Variants in ITGA1 observed in about 807,000 individuals in gnomAD.
ITGA1 encodes the protein integrin alpha-1.
Under a neutral mutation model 145.9 loss-of-function variants are expected in ITGA1, and 85 were observed. That is an observed-to-expected ratio of 0.58 (90% confidence interval 0.49 to 0.70). The LOEUF (loss-of-function observed/expected upper bound fraction) is 0.70. ITGA1 is among the 30% of genes least tolerant of loss of function. The pLI is 0.00. For synonymous variants in ITGA1, 520 were observed against 495.3 expected, an observed-to-expected ratio of 1.05 and a Z score of -0.66; for missense variants, 1,351 against 1,418.7, an observed-to-expected ratio of 0.95 and a Z score of 0.77.
chr5:52,939,271 A>T (rs1751017293), intron 24 of ITGA1, among the ~76,000 whole-genome samples: 1 of 94,510 alleles, frequency 1.1e-5, no homozygotes, highest in South Asian at 3.6e-4. Context: ...TTATAAGCTT[A>T]TCTTTGATTA....
At chr5:52,823,537 A>T (rs189871243) in intron 1 of ITGA1, among the ~76,000 whole-genome samples, 5 of 152,192 alleles carry the variant, frequency 3.3e-5, no homozygotes, top group African/African-American at 1.2e-4. Flanking sequence ...ATTATGTCCA[A>T]TAAGTCCATC....
At chr5:52,939,493 TG>T in intron 24 of ITGA1, 96 bp from the exon 25 acceptor site, 1 of 767,030 alleles carries the variant, frequency 1.3e-6, no homozygotes, top group Non-Finnish European at 2.2e-6. Flanking sequence ...TATATGGCAA[TG>T]GCTGTCATTC....
intron 17 of ITGA1, among the ~76,000 whole-genome samples, chr5:52,922,452 C>A (rs1255000273): frequency 6.6e-6 from 1 of 152,122 alleles, no homozygotes; most frequent in Non-Finnish European, 1.5e-5. Context: ...GGCTTGAGGT[C>A]TCAAGAAAAA....
intron 8 of ITGA1, among the ~76,000 whole-genome samples, chr5:52,892,290 G>A (rs1431886326): frequency 1.3e-5 from 2 of 151,896 alleles, no homozygotes; most frequent in Non-Finnish European, 1.5e-5. Flanking sequence ...ACCACTATAC[G>A]CTAACACAAT....
At chr5:52,839,936 A>G (rs1315068028) in intron 1 of ITGA1, among the ~76,000 whole-genome samples, 3 of 152,198 alleles carry the variant, frequency 2.0e-5, no homozygotes, top group Non-Finnish European at 4.4e-5. Context: ...AAAAGCTCAC[A>G]TCCAAGTCAT....
At chr5:52,847,029 G>T (rs909635208) in intron 1 of ITGA1, among the ~76,000 whole-genome samples, 1 of 151,900 alleles carries the variant, frequency 6.6e-6, no homozygotes, top group Non-Finnish European at 1.5e-5. Flanking sequence ...TTTGATAAAG[G>T]ATTAAAAAAA....
At chr5:52,894,646 A>C (rs1166110499) in intron 9 of ITGA1, among the ~76,000 whole-genome samples, 1 of 152,200 alleles carries the variant, frequency 6.6e-6, no homozygotes, top group Non-Finnish European at 1.5e-5. Flanking sequence ...AGAAACCACC[A>C]GAGAATTCTT....
chr5:52,878,000 A>G (rs1344590119), intron 6 of ITGA1, among the ~76,000 whole-genome samples: 1 of 152,214 alleles, frequency 6.6e-6, no homozygotes, highest in Non-Finnish European at 1.5e-5. Context: ...CAAGGTATCA[A>G]CAGAGGACAA....
intron 27 of ITGA1, among the ~76,000 whole-genome samples, chr5:52,946,678 T>G (rs1290328453): frequency 6.8e-6 from 1 of 147,786 alleles, no homozygotes; most frequent in African/African-American, 2.5e-5. Flanking sequence ...CATTGAGGTT[T>G]GAGTGCCACC....
intron 1 of ITGA1, among the ~76,000 whole-genome samples, chr5:52,804,863 ATT>A (rs1197116970): frequency 6.6e-6 from 1 of 152,172 alleles, no homozygotes; most frequent in African/African-American, 2.4e-5. Context: ...TTCTAAAGTG[ATT>A]TTAAGGGCTT....
Position 52,945,020 on chromosome 5 carries a change from C to A in ITGA1, c.3363C>A (p.Ser1121Arg), listed in dbSNP as rs151102756. ...SENASLVLSS[S>R]NQKRELAIQI... ...ATGCATCTCTGGTTTTAAGTAGCAG[C>A]AATCAAAAAAGAGAGGTAAGTGCAA... The change falls in exon 27 of 29, where the codon AGC becomes AGA. Residue 1121 changes from serine (S) to arginine (R), a missense_variant. By Grantham distance (110) the Ser-to-Arg change is moderately radical. Transcript: ENST00000282588. 12,786 of 1,611,348 alleles carry A rather than the reference C, an allele frequency of 7.9e-3. 71 individuals carry two copies. Among genetic ancestry groups the A allele is most frequent in the South Asian group, 9.8e-3 (892 of 90,970 alleles).
intron 14 of ITGA1, 136 bp from the exon 15 acceptor site, chr5:52,915,328 A>G: frequency 2.4e-6 from 2 of 843,346 alleles, no homozygotes; most frequent in East Asian, 2.6e-5. Context: ...TTATCTCCAC[A>G]TGAGGGACCT....
chr5:52,874,782 G>A (rs1749839627), intron 6 of ITGA1, among the ~76,000 whole-genome samples: 2 of 152,054 alleles, frequency 1.3e-5, no homozygotes, highest in South Asian at 4.1e-4. Context: ...TTAGAAATGA[G>A]GTAAAATAAT....
At chr5:52,910,081 C>T in intron 13 of ITGA1, 81 bp from the exon 14 acceptor site, 2 of 1,330,922 alleles carry the variant, frequency 1.5e-6, no homozygotes, top group East Asian at 2.3e-5. Flanking sequence ...GTTAATAGCA[C>T]TGATTTAGTA....
intron 12 of ITGA1, among the ~76,000 whole-genome samples, chr5:52,907,004 G>C (rs950641038): frequency 4.6e-5 from 7 of 152,174 alleles, no homozygotes; most frequent in African/African-American, 1.4e-4. Context: ...TGCACTCTGG[G>C]AAGTCAAAAA....
chr5:52,836,612 T>A (rs1470885155), intron 1 of ITGA1, among the ~76,000 whole-genome samples: 1 of 152,088 alleles, frequency 6.6e-6, no homozygotes, highest in African/African-American at 2.4e-5. Flanking sequence ...CCTCTGAAAT[T>A]AGCAAATCTC....
At chr5:52,926,059 T>A (rs1425417607) in intron 19 of ITGA1, among the ~76,000 whole-genome samples, 1 of 152,124 alleles carries the variant, frequency 6.6e-6, no homozygotes, top group Non-Finnish European at 1.5e-5. Context: ...TTAATTCTGA[T>A]CTCCAAATGA....
At chr5:52,839,152 A>AT (rs763133173) in intron 1 of ITGA1, among the ~76,000 whole-genome samples, 3 of 151,920 alleles carry the variant, frequency 2.0e-5, no homozygotes, top group South Asian at 2.1e-4. Flanking sequence ...AATTTAATAG[A>AT]TTTTTTCATA....
At chr5:52,818,710 G>A (rs1748817676) in intron 1 of ITGA1, among the ~76,000 whole-genome samples, 1 of 152,156 alleles carries the variant, frequency 6.6e-6, no homozygotes, top group Non-Finnish European at 1.5e-5. Flanking sequence ...TAGTAACAGA[G>A]CAAGCCAACT....
Sources: allele counts gnomAD v4.1 joint callset (sites outside exome capture counted in the v4.1 genomes callset), GRCh38; gene constraint gnomAD v4.1.1; transcripts MANE v1.5; gene names NCBI Gene and HGNC (gene_info 2026-07-23, HGNC 2026-07-21).